The following DDX1 variants were observed in gnomAD, a reference collection of about 807,000 sequenced individuals.
The protein encoded by DDX1 is ATP-dependent RNA helicase DDX1.
DDX1 carries 28 observed loss-of-function variants against 108.7 expected under a neutral mutation model. The observed-to-expected ratio is 0.26, with a 90% CI of 0.19 to 0.35. DDX1 has a LOEUF of 0.35. DDX1 is among the 10% of genes least tolerant of loss of function. The pLI is 1.00. For synonymous variants in DDX1, 295 were observed against 288.9 expected (o/e 1.02, Z -0.21); for missense variants, 710 against 884.5 (o/e 0.80, Z 2.50).
chr2:15,616,311 C>T (rs1018185087), intron 14 of DDX1, among the ~76,000 whole-genome samples: 3 of 152,178 alleles, frequency 2.0e-5, no homozygotes, highest in South Asian at 2.1e-4. Flanking sequence ...TCAGTACTTA[C>T]AATAATCCTC....
chr2:15,610,936 G>T (rs1044783918), intron 13 of DDX1, among the ~76,000 whole-genome samples: 4 of 149,800 alleles, frequency 2.7e-5, no homozygotes, highest in Non-Finnish European at 5.9e-5. Context: ...TCACAGAGGG[G>T]GATTTGGCAG....
intron 3 of DDX1, among the ~76,000 whole-genome samples, chr2:15,595,885 T>C (rs888136404): frequency 6.6e-6 from 1 of 152,114 alleles, no homozygotes; most frequent in African/African-American, 2.4e-5. Flanking sequence ...AGATTTCTTT[T>C]TTTTTGTTTT....
intron 19 of DDX1, among the ~76,000 whole-genome samples, chr2:15,623,947 T>G (rs1358875538): frequency 1.3e-5 from 2 of 151,850 alleles, no homozygotes; most frequent in African/African-American, 4.8e-5. Context: ...AAAAAAAACC[T>G]AAACAAGAGC....
At position 15,630,820 on chromosome 2, in the gene DDX1, C is replaced by A. The variant is rs1666183016; in HGVS notation, c.2137C>A (p.Gln713Lys). The part of the protein sequence containing the change: ...GHVDILAPTV[Q>K]ELAALEKEAQ... ...TGTGGATATTTTGGCACCTACTGTT[C>A]AAGAGTTGGCTGCCCTTGAAAAGGA... The change falls in exon 26 of 26, where the codon CAA becomes AAA. Residue 713 changes from glutamine (Q) to lysine (K), a missense_variant. Coordinates refer to ENST00000233084, the MANE Select transcript of DDX1 (RefSeq NM_004939.3). 2 of 1,614,024 alleles carry A rather than the reference C, an allele frequency of 1.2e-6. No individual in the cohort carries two copies. The highest frequency in any genetic ancestry group is 1.7e-6 in the Non-Finnish European group (2 of 1,179,894).
Position 15,613,301 on chromosome 2 carries a change from A to G in DDX1, c.1017+17A>G, listed in dbSNP as rs1261788767. The G allele has an allele frequency of 7.0e-6, 11 of 1,581,314 alleles. No homozygotes were observed. Among genetic ancestry groups the G allele is most frequent in the Non-Finnish European group, 9.5e-6 (11 of 1,160,266 alleles). ...GAAAATGGAGTAAGTTGTAGTTTTA[A>G]TTTTTAAAACATAATGTCATGGGCT... On this transcript the variant is annotated intron_variant, in intron 14 of 25. Coordinates refer to ENST00000233084, the MANE Select transcript of DDX1 (RefSeq NM_004939.3).
chr2:15,611,690 C>T (rs1665764586), intron 13 of DDX1, among the ~76,000 whole-genome samples: 1 of 109,332 alleles, frequency 9.1e-6, no homozygotes, highest in African/African-American at 4.6e-5. Context: ...GGGCGGGGGG[C>T]TGACCCCCCC....
chr2:15,600,902 A>C (rs1665580546), intron 6 of DDX1, among the ~76,000 whole-genome samples: 1 of 151,602 alleles, frequency 6.6e-6, no homozygotes, highest in African/African-American at 2.4e-5. Context: ...GTTGGATCCA[A>C]CTCTAAATTC....
At position 15,611,524 on chromosome 2, in the gene DDX1, C is replaced by A. The variant is rs796970293; in HGVS notation, c.957-1700C>A. ...TGGCCGGGCAGGGGGCTGACCCCCC[C>A]ACCTCCCTCCCGGACGGGGCGGCTG... On this transcript the variant is annotated intron_variant, in intron 13 of 25. Transcript: ENST00000233084. Among the ~76,000 whole-genome samples, 507 of 129,556 alleles carry A rather than the reference C, an allele frequency of 3.9e-3. 10 individuals carry two copies. Among genetic ancestry groups the A allele is most frequent in the Non-Finnish European group, 6.5e-3 (411 of 62,792 alleles). The allele number at this position is 129,556 out of a possible 152,430, so 85.0% of individuals were successfully genotyped here. A position where few individuals can be genotyped will look rare whatever the true frequency, so the allele number is the denominator to read the frequency against.
intron 5 of DDX1, 51 bp downstream of exon 5, chr2:15,597,522 C>A: frequency 8.3e-7 from 1 of 1,201,102 alleles, no homozygotes; most frequent in Non-Finnish European, 1.2e-6. Context: ...TGGTTCTCAT[C>A]ACTGACAGTT....
Position 15,605,945 on chromosome 2 carries a change from T to G in DDX1, c.626-5T>G. 1.3e-6 allele frequency: 2 copies of G among 1,549,110 alleles called. No individual in the cohort carries two copies. The highest frequency in any genetic ancestry group is 1.7e-6 in the Non-Finnish European group (2 of 1,152,284). ...TTAATCTCTCTCTCTCTCTTGTTTT[T>G]TAAGGAAAAGATCTTGGTCTGGCAT... On this transcript the variant is annotated splice_region_variant and splice_polypyrimidine_tract_variant and intron_variant, in intron 10 of 25. Coordinates refer to ENST00000233084, the MANE Select transcript of DDX1 (RefSeq NM_004939.3).
rs946909314 is a variant in DDX1 at position 15,602,689 on chromosome 2, G to C, written c.391+58G>C. 24 of 1,280,948 alleles carry C rather than the reference G, an allele frequency of 1.9e-5. No homozygotes were observed. In the African/African-American group the frequency reaches 3.4e-4, roughly 18 times the overall value. 79.3% of individuals were successfully genotyped at this position (1,280,948 alleles called of 1,614,324 possible). On this transcript the variant is annotated intron_variant, in intron 7 of 25. Coordinates refer to ENST00000233084, the MANE Select transcript of DDX1 (RefSeq NM_004939.3). Reference sequence around the variant, plus strand: ...TTTGAGGCAAGGTATTAATACGTGAGGGTTTTTTTGTTGTTGTTTGTTTGT... The same window carrying C: ...TTTGAGGCAAGGTATTAATACGTGACGGTTTTTTTGTTGTTGTTTGTTTGT...
At chr2:15,600,740 CTTTTTTT>C (rs1157559293) in intron 6 of DDX1, among the ~76,000 whole-genome samples, 27 of 73,550 alleles carry the variant, frequency 3.7e-4, no homozygotes, top group South Asian at 6.9e-4. Flanking sequence ...TTTGCATTTT[CTTTTTTT>C]TTTTTTTTTT....
At chr2:15,611,508 A>T (rs1397549262) in intron 13 of DDX1, among the ~76,000 whole-genome samples, 1 of 110,586 alleles carries the variant, frequency 9.0e-6, no homozygotes, top group African/African-American at 3.4e-5. Flanking sequence ...CTGGCCGGGC[A>T]GGGGGCTGAC....
chr2:15,621,081 C>G lies in DDX1; in HGVS notation c.1412C>G (p.Ala471Gly), dbSNP rs1558458568. Residue 471 changes from alanine to glycine, a missense_variant, in exon 18 of 26, where the codon GCA (alanine) becomes GGA (glycine). Around this residue, in one of 3 missense-constraint regions of DDX1, gnomAD observed 661 missense variants for 810.2 expected, o/e 0.82. Coordinates refer to ENST00000233084, the MANE Select transcript of DDX1 (RefSeq NM_004939.3). ...TTTTGATAGACTGATGATGTACATG[C>G]AAAAGATAACACAAGACCTGGTGCT... ...KSHIRTDDVH[A>G]KDNTRPGANS... The G allele has an allele frequency of 6.2e-7, 1 of 1,609,478 alleles. No individual in the cohort carries two copies. Among genetic ancestry groups the G allele is most frequent in the Non-Finnish European group, 8.5e-7 (1 of 1,176,928 alleles).
intron 24 of DDX1, 43 bp from the exon 25 acceptor site, chr2:15,629,947 C>G: frequency 6.5e-7 from 1 of 1,538,278 alleles, no homozygotes; most frequent in Non-Finnish European, 8.8e-7. Context: ...GCAACTCTTT[C>G]TAAATGAAAT....
At chr2:15,627,024 A>G in intron 19 of DDX1, 30 bp from the exon 20 acceptor site, 11 of 1,462,500 alleles carry the variant, frequency 7.5e-6, no homozygotes, top group Non-Finnish European at 1.0e-5. Flanking sequence ...AGATTTTCCA[A>G]GGTTAAATGC....
At chr2:15,629,037 A>G (rs912020357) in intron 23 of DDX1, among the ~76,000 whole-genome samples, 198 bp downstream of exon 23, 2 of 152,204 alleles carry the variant, frequency 1.3e-5, no homozygotes, top group African/African-American at 4.8e-5. Flanking sequence ...AAAAATGCAA[A>G]ATATAATTTT....
chr2:15,629,830 A>G, intron 24 of DDX1, 133 bp downstream of exon 24: 3 of 997,226 alleles, frequency 3.0e-6, no homozygotes, highest in African/African-American at 1.7e-5. Context: ...TTATAATGTT[A>G]TCTGCACTTT....
At chr2:15,611,872 G>A (rs1281932107) in intron 13 of DDX1, among the ~76,000 whole-genome samples, 2 of 66,744 alleles carry the variant, frequency 3.0e-5, no homozygotes, top group African/African-American at 9.0e-5. Context: ...CTGGGCAGAG[G>A]CGCCCCTCAC....
Sources: gnomAD v4.1 joint callset for allele counts (sites outside exome capture counted in the v4.1 genomes callset) on GRCh38, gnomAD v4.1.1 for gene constraint, gnomAD v4.1.1 regional missense constraint, MANE v1.5 for transcripts, NCBI Gene and HGNC (gene_info 2026-07-23, HGNC 2026-07-21) for gene names.